Variants in DHX57 observed in about 807,000 individuals in gnomAD.
The protein encoded by DHX57 is DExH-box helicase 57, also known as putative ATP-dependent RNA helicase DHX57.
In DHX57, 105 loss-of-function variants were observed where a neutral mutation model predicts 156.2. The ratio of observed to expected loss-of-function variants is 0.67; its 90% CI spans 0.57 to 0.79. DHX57 has a LOEUF of 0.79. Ranked by LOEUF, DHX57 falls within the 30% of genes least tolerant of loss-of-function variation. The pLI, the probability that DHX57 is intolerant of heterozygous loss-of-function variation, is 0.00. For missense variants in DHX57, 1,847 were observed against 1,661.9 expected (o/e 1.11, Z -1.94); for synonymous variants, 704 against 595.6 (o/e 1.18, Z -2.65).
intron 13 of DHX57, among the ~76,000 whole-genome samples, chr2:38,832,483 G>A (rs1436999150): frequency 2.0e-5 from 3 of 151,688 alleles, no homozygotes; most frequent in Non-Finnish European, 4.4e-5. Context: ...GTAAGCAGAA[G>A]AGAGCAGCCA....
At chr2:38,857,306 G>T (rs956910483) in intron 6 of DHX57, among the ~76,000 whole-genome samples, 1 of 152,112 alleles carries the variant, frequency 6.6e-6, no homozygotes, top group African/African-American at 2.4e-5. Context: ...TCACTAAAGG[G>T]TTATTTTTGG....
chr2:38,830,537 G>A (rs535917248), intron 13 of DHX57, among the ~76,000 whole-genome samples: 110 of 152,018 alleles, frequency 7.2e-4, no homozygotes, highest in African/African-American at 1.3e-3. Flanking sequence ...CTGGAGGCAC[G>A]AGAATCACTT....
chr2:38,856,716 G>A, intron 6 of DHX57: 1 of 274,334 alleles, frequency 3.6e-6, no homozygotes, highest in East Asian at 8.6e-5. Context: ...TGCCCAGGCT[G>A]GCCTCAAACT....
chr2:38,859,611 C>T (rs939646316), intron 5 of DHX57, among the ~76,000 whole-genome samples: 5 of 152,060 alleles, frequency 3.3e-5, no homozygotes, highest in African/African-American at 1.2e-4. Flanking sequence ...TCCCAAGGAA[C>T]ACATTTGAAT....
intron 9 of DHX57, 161 bp downstream of exon 9, chr2:38,853,893 T>C: frequency 1.6e-6 from 1 of 606,410 alleles, no homozygotes; most frequent in South Asian, 2.1e-5. Flanking sequence ...TTACAGACCC[T>C]GGAGATCAAG....
At chr2:38,799,095 G>T (rs1669542079) in intron 23 of DHX57, among the ~76,000 whole-genome samples, 1 of 152,172 alleles carries the variant, frequency 6.6e-6, no homozygotes, top group Non-Finnish European at 1.5e-5. Context: ...CGGGCCCGGT[G>T]GCTCACGCCT....
intron 13 of DHX57, among the ~76,000 whole-genome samples, chr2:38,830,187 C>T (rs916255632): frequency 5.9e-5 from 9 of 152,142 alleles, no homozygotes; most frequent in Non-Finnish European, 1.3e-4. Context: ...ATCCTTCCCA[C>T]TAAATAAATG....
In DHX57 at chr2:38,861,528, G is replaced by A. The variant is rs1673208792; in HGVS notation, c.882C>T (p.Thr294=). ...CAAGTGAATTCTCTTGTACATTTTT[G>A]GTACTTTCTTTTGGCTTGGATTTGC... ...RFRKSKPKES[T]KNVQENSLEI... is the part of the protein sequence containing the mutation. The change falls in exon 5 of 24, where the codon ACC becomes ACT. Residue 294 remains threonine, a synonymous_variant. Transcript: ENST00000457308. 1 of 1,613,890 alleles carries A rather than the reference G, an allele frequency of 6.2e-7. No homozygotes were observed.
intron 1 of DHX57, among the ~76,000 whole-genome samples, chr2:38,871,401 G>C (rs758209464): frequency 3.9e-5 from 6 of 152,014 alleles, no homozygotes; most frequent in Non-Finnish European, 8.8e-5. Flanking sequence ...AAGTATAGTT[G>C]GGTATATAAC....
intron 19 of DHX57, among the ~76,000 whole-genome samples, chr2:38,817,312 T>G (rs187349316): frequency 4.1e-4 from 63 of 152,224 alleles, no homozygotes; most frequent in Admixed American, 7.9e-4. Context: ...TGGAATTTAT[T>G]TATTTATTTA....
At chr2:38,812,909 A>G (rs913692651) in intron 21 of DHX57, among the ~76,000 whole-genome samples, 1 of 150,328 alleles carries the variant, frequency 6.7e-6, no homozygotes, top group Non-Finnish European at 1.5e-5. Flanking sequence ...GTACAGTGGC[A>G]TGGTCTTGGC....
chr2:38,849,503 G>A (rs949125146), intron 9 of DHX57, among the ~76,000 whole-genome samples: 8 of 151,392 alleles, frequency 5.3e-5, no homozygotes, highest in African/African-American at 1.9e-4. Context: ...CTTGAGGCCA[G>A]GAGTTCAAGA....
chr2:38,854,023 T>C (rs1327965873), intron 9 of DHX57, 31 bp downstream of exon 9: 2 of 1,585,586 alleles, frequency 1.3e-6, no homozygotes, highest in South Asian at 2.3e-5. Flanking sequence ...TTCAGGTGAG[T>C]GTGTGTTCCC....
At chr2:38,798,900 G>A (rs182444397) in intron 23 of DHX57, among the ~76,000 whole-genome samples, 358 of 152,180 alleles carry the variant, frequency 2.4e-3, no homozygotes, top group Middle Eastern at 0.01. Flanking sequence ...CTGAGATCGC[G>A]CCATTGCACT....
intron 11 of DHX57, 35 bp from the exon 12 acceptor site, chr2:38,843,245 T>A: frequency 6.2e-7 from 1 of 1,604,438 alleles, no homozygotes; most frequent in Middle Eastern, 1.9e-4. Context: ...TGTGTGTATG[T>A]GGTCCTGTTG....
At chr2:38,842,832 T>C (rs1672077646) in intron 12 of DHX57, among the ~76,000 whole-genome samples, 173 bp downstream of exon 12, 3 of 152,224 alleles carry the variant, frequency 2.0e-5, no homozygotes, top group South Asian at 4.1e-4. Flanking sequence ...ATAGTAACAA[T>C]TGTATTCTAA....
At chr2:38,823,330 A>T in intron 16 of DHX57, 61 bp from the exon 17 acceptor site, 1 of 1,484,104 alleles carries the variant, frequency 6.7e-7, no homozygotes, top group Non-Finnish European at 9.1e-7. Context: ...ACACAGAGGA[A>T]TAATTTCTTT....
At chr2:38,818,367 A>G (rs989350371) in intron 19 of DHX57, among the ~76,000 whole-genome samples, 5 of 151,840 alleles carry the variant, frequency 3.3e-5, no homozygotes, top group East Asian at 1.9e-4. Context: ...TCTACTAAAA[A>G]TACAAAAAAA....
In DHX57 at chr2:38,815,544, C is replaced by G. The variant is rs755964010; in HGVS notation, c.3583G>C (p.Val1195Leu). The G allele has an allele frequency of 6.2e-7, 1 of 1,614,130 alleles. No homozygotes were observed. Among genetic ancestry groups the G allele is most frequent in the Non-Finnish European group, 8.5e-7 (1 of 1,180,022 alleles). ...IEKRAQGGDG[V>L]LDATGEEANS... Reference sequence around the variant, plus strand: ...ACCTCTTCTCCTGTGGCATCTAAGACACCATCTCCTCCTTGGGCCCTTTTC... The same window carrying G: ...ACCTCTTCTCCTGTGGCATCTAAGAGACCATCTCCTCCTTGGGCCCTTTTC... Residue 1195 changes from valine to leucine, a missense_variant, in exon 20 of 24, where the codon GTC becomes CTC. Transcript: ENST00000457308.
Sources: allele counts gnomAD v4.1 joint callset (sites outside exome capture counted in the v4.1 genomes callset), GRCh38; gene constraint gnomAD v4.1.1; transcripts MANE v1.5; gene names NCBI Gene and HGNC (gene_info 2026-07-23, HGNC 2026-07-21).